RTTN: variants seen among roughly 807,000 people sequenced by gnomAD.
RTTN encodes the protein rotatin.
RTTN carries 182 observed loss-of-function variants against 269.2 expected under a neutral mutation model. That is an observed-to-expected ratio of 0.68 (90% confidence interval 0.60 to 0.76). RTTN has a LOEUF of 0.76. Ranked by LOEUF, RTTN falls within the 30% of genes least tolerant of loss-of-function variation. The pLI, the probability that RTTN is intolerant of heterozygous loss-of-function variation, is 0.00. For synonymous variants in RTTN, 1,006 were observed against 963.5 expected, an observed-to-expected ratio of 1.04 and a Z score of -0.82; for missense variants, 2,545 against 2,608.6, an observed-to-expected ratio of 0.98 and a Z score of 0.53.
intron 22 of RTTN, among the ~76,000 whole-genome samples, chr18:70,134,823 G>T (rs2060084797): frequency 6.6e-6 from 1 of 152,134 alleles, no homozygotes; most frequent in Non-Finnish European, 1.5e-5. Context: ...TCCTGCTCAA[G>T]ATCAGCGCTA....
chr18:70,025,939 C>T (rs1320023621), intron 43 of RTTN, among the ~76,000 whole-genome samples: 1 of 152,180 alleles, frequency 6.6e-6, no homozygotes, highest in Non-Finnish European at 1.5e-5. Flanking sequence ...ATCTCTTAAA[C>T]AACTCGTCCC....
chr18:70,115,621 G>A (rs149176487), intron 26 of RTTN, among the ~76,000 whole-genome samples: 1 of 151,954 alleles, frequency 6.6e-6, no homozygotes, highest in African/African-American at 2.4e-5. Flanking sequence ...TTTATAAAGA[G>A]GTTAAATAAT....
At chr18:70,188,570 T>G (rs951788659) in intron 9 of RTTN, among the ~76,000 whole-genome samples, 2 of 152,212 alleles carry the variant, frequency 1.3e-5, no homozygotes, top group African/African-American at 4.8e-5. Flanking sequence ...CCAGAAAGGT[T>G]TAGAAAACGT....
At chr18:70,067,883 A>G (rs192963414) in intron 34 of RTTN, among the ~76,000 whole-genome samples, 1 of 152,328 alleles carries the variant, frequency 6.6e-6, no homozygotes, top group African/African-American at 2.4e-5. Flanking sequence ...ATTAATAAAG[A>G]TGTGATTTTC....
intron 37 of RTTN, among the ~76,000 whole-genome samples, chr18:70,054,595 G>A (rs1397826993): frequency 2.0e-5 from 3 of 152,144 alleles, no homozygotes; most frequent in Non-Finnish European, 4.4e-5. Flanking sequence ...TCCTTTGAGA[G>A]GCCAAGGTGG....
At chr18:70,024,985 C>T in intron 43 of RTTN, 137 bp from the exon 44 acceptor site, 1 of 949,488 alleles carries the variant, frequency 1.1e-6, no homozygotes, top group Non-Finnish European at 1.5e-6. Flanking sequence ...CTGCCCCAGC[C>T]CCATTGGGCT....
Position 70,145,715 on chromosome 18 carries a change from C to G in RTTN, c.2378G>C (p.Arg793Pro). 1 of 1,613,414 alleles carries G rather than the reference C, an allele frequency of 6.2e-7. No homozygotes were observed. The highest frequency in any genetic ancestry group is 8.5e-7 in the Non-Finnish European group (1 of 1,179,568). Residue 793 changes from arginine to proline, a missense_variant, in exon 18 of 49, where the codon CGT (arginine) becomes CCT (proline). By Grantham distance (103) the Arg-to-Pro change is moderately radical. Transcript: ENST00000640769. ...GAGAACTCTGGCGTCTATTAGAGGA[C>G]GCTTTGTATCAGCCCCTTCTTCACT... ...LTSEEGADTK[R>P]PLIDARVLSR...
Position 70,088,057 on chromosome 18 carries a change from C to T in RTTN, c.4234G>A (p.Gly1412Ser), listed in dbSNP as rs370765246. The T allele has an allele frequency of 3.7e-5, 59 of 1,613,802 alleles. No individual in the cohort carries two copies. The highest frequency in any genetic ancestry group is 2.1e-4 in the African/African-American group (16 of 74,916). Residue 1412 changes from glycine (G) to serine (S), a missense_variant, in exon 31 of 49, where the codon GGT (glycine) becomes AGT (serine). By Grantham distance (56) the Gly-to-Ser change is moderately conservative. Coordinates refer to ENST00000640769, the MANE Select transcript of RTTN (RefSeq NM_173630.4). Reference sequence around the variant, plus strand: ...TTCACCACAGTTCCCCAGAGCCCACCGGAAATGTTCTGACAACTGTTTGCT... The same window carrying T: ...TTCACCACAGTTCCCCAGAGCCCACTGGAAATGTTCTGACAACTGTTTGCT... ...ALANSCQNIS[G>S]GLWGTVVNIL...
At chr18:70,165,909 T>TAAA (rs2060971954) in intron 14 of RTTN, among the ~76,000 whole-genome samples, 153 bp downstream of exon 14, 1 of 152,198 alleles carries the variant, frequency 6.6e-6, no homozygotes, top group African/African-American at 2.4e-5. Flanking sequence ...ATAGTACAAA[T>TAAA]TTTCCAGAAT....
intron 28 of RTTN, among the ~76,000 whole-genome samples, chr18:70,096,373 G>A (rs1427360408): frequency 3.3e-5 from 5 of 152,190 alleles, no homozygotes; most frequent in African/African-American, 7.2e-5. Flanking sequence ...TGGAGGAAAA[G>A]AGGCATTCTG....
chr18:70,122,881 GA>G (rs2059773800), intron 25 of RTTN, among the ~76,000 whole-genome samples: 1 of 152,070 alleles, frequency 6.6e-6, no homozygotes, highest in East Asian at 1.9e-4. Flanking sequence ...AGTCTTCTAT[GA>G]TATCCAGTGT....
At chr18:70,092,317 A>T in intron 29 of RTTN, 97 bp from the exon 30 acceptor site, 2 of 765,050 alleles carry the variant, frequency 2.6e-6, no homozygotes, top group Non-Finnish European at 4.2e-6. Flanking sequence ...AAACAACGTG[A>T]AAATGTATTT....
chr18:70,039,815 A>T (rs1425809073), intron 40 of RTTN, among the ~76,000 whole-genome samples: 1 of 152,208 alleles, frequency 6.6e-6, no homozygotes, highest in Non-Finnish European at 1.5e-5. Context: ...GTTAAAAAGC[A>T]GGGGAGATAA....
chr18:70,107,822 A>C (rs2059361137), intron 28 of RTTN, among the ~76,000 whole-genome samples: 1 of 152,264 alleles, frequency 6.6e-6, no homozygotes, highest in South Asian at 2.1e-4. Context: ...ACCTCACTAC[A>C]GATTCAGCAG....
chr18:70,112,296 C>T (rs1206503954), intron 27 of RTTN, among the ~76,000 whole-genome samples: 1 of 152,036 alleles, frequency 6.6e-6, no homozygotes, highest in African/African-American at 2.4e-5. Flanking sequence ...ATCAAATTCA[C>T]ACATAACAAT....
At chr18:70,139,491 T>C (rs1266656293) in intron 21 of RTTN, 108 bp downstream of exon 21, 21 of 691,176 alleles carry the variant, frequency 3.0e-5, no homozygotes, top group Non-Finnish European at 4.5e-5. Flanking sequence ...CACTAATAAA[T>C]GCTGTTGTTC....
intron 27 of RTTN, 44 bp downstream of exon 27, chr18:70,114,401 G>T: frequency 6.4e-7 from 1 of 1,554,956 alleles, no homozygotes; most frequent in Non-Finnish European, 8.7e-7. Flanking sequence ...GAAAACTTGG[G>T]TTCTATATAA....
intron 5 of RTTN, among the ~76,000 whole-genome samples, chr18:70,199,110 C>T (rs2061886767): frequency 6.6e-6 from 1 of 152,114 alleles, no homozygotes; most frequent in Non-Finnish European, 1.5e-5. Flanking sequence ...TCGCTTGAAC[C>T]CAGGAGGCGG....
At chr18:70,205,481 ATGGGTCCCCGGGGGCTATCC>A in intron 1 of RTTN, 127 bp downstream of exon 1, 2 of 1,323,094 alleles carry the variant, frequency 1.5e-6, no homozygotes, top group South Asian at 2.4e-5. Context: ...AAAGTCCGAG[ATGGGTCCCCGGGGGCTATCC>A]TGACAAAGCG....
Sources: allele counts gnomAD v4.1 joint callset (sites outside exome capture counted in the v4.1 genomes callset), GRCh38; gene constraint gnomAD v4.1.1; transcripts MANE v1.5; gene names NCBI Gene and HGNC (gene_info 2026-07-23, HGNC 2026-07-21).